The following COL4A2 variants were observed in gnomAD, a reference collection of about 807,000 sequenced individuals.
COL4A2 encodes the protein collagen alpha-2(IV) chain.
In COL4A2, 99 loss-of-function variants were observed where a neutral mutation model predicts 200.2. The ratio of observed to expected loss-of-function variants is 0.49; its 90% CI spans 0.42 to 0.58. COL4A2 has a LOEUF of 0.58. Ranked by LOEUF, COL4A2 falls within the 20% of genes least tolerant of loss-of-function variation. COL4A2 has a pLI of 0.00. For missense variants in COL4A2, 1,950 were observed against 2,314.1 expected, an observed-to-expected ratio of 0.84 and a Z score of 3.23; for synonymous variants, 897 against 900.6, an observed-to-expected ratio of 1.00 and a Z score of 0.07.
At chr13:110,330,396 C>T (rs752861262) in intron 3 of COL4A2, among the ~76,000 whole-genome samples, 5 of 150,740 alleles carry the variant, frequency 3.3e-5, no homozygotes, top group Admixed American at 6.6e-5. Flanking sequence ...CTGGGAGGCG[C>T]GGGGTGGAGG....
intron 21 of COL4A2, chr13:110,458,049 C>T: frequency 2.2e-6 from 1 of 449,184 alleles, no homozygotes; most frequent in Non-Finnish European, 4.6e-6. Context: ...TCCTGCTCAC[C>T]TCTCCCCTCC....
intron 43 of COL4A2, 139 bp from the exon 44 acceptor site, chr13:110,503,708 T>A (rs1186327784): frequency 9.6e-7 from 1 of 1,037,120 alleles, no homozygotes; most frequent in Non-Finnish European, 1.4e-6. Flanking sequence ...GGCCCGTTAG[T>A]GTCTGGCTCA....
At position 110,512,377 on chromosome 13, in the gene COL4A2, C is replaced by G. The variant is rs1884118672; in HGVS notation, c.*186C>G. 1 of 1,017,866 alleles carries G rather than the reference C, an allele frequency of 9.8e-7. No individual in the cohort carries two copies. The highest frequency in any genetic ancestry group is 1.4e-6 in the Non-Finnish European group (1 of 721,966). 63.1% of individuals were successfully genotyped at this position (1,017,866 alleles called of 1,614,324 possible). ...GAGCGGGTGCAAGCACTCGGGGTCC[C>G]TGGAGGGCAAGCCCTGCCCACAGAA... On this transcript the variant is annotated 3_prime_UTR_variant, in exon 48 of 48. Coordinates refer to ENST00000360467, the MANE Select transcript of COL4A2 (RefSeq NM_001846.4).
At chr13:110,336,462 C>T (rs1321370668) in intron 3 of COL4A2, among the ~76,000 whole-genome samples, 2 of 152,150 alleles carry the variant, frequency 1.3e-5, no homozygotes, top group Non-Finnish European at 2.9e-5. Context: ...ACAATAGCGG[C>T]CGCTGGAGGA....
intron 3 of COL4A2, among the ~76,000 whole-genome samples, chr13:110,342,470 C>T (rs1276172384): frequency 6.6e-6 from 1 of 152,164 alleles, no homozygotes; most frequent in East Asian, 1.9e-4. Flanking sequence ...AATACACCAG[C>T]ATCTTCCCCC....
chr13:110,412,639 C>T (rs967775158), intron 4 of COL4A2, among the ~76,000 whole-genome samples: 3 of 152,234 alleles, frequency 2.0e-5, no homozygotes, highest in African/African-American at 7.2e-5. Context: ...CCCTCCATAA[C>T]CTTTACGCCC....
intron 4 of COL4A2, among the ~76,000 whole-genome samples, chr13:110,393,573 C>T (rs977012997): frequency 6.6e-6 from 1 of 150,484 alleles, no homozygotes; most frequent in Non-Finnish European, 1.5e-5. Context: ...GAGAATCCCA[C>T]TATAAAGAGG....
chr13:110,501,158 A>G (rs1883624862), intron 40 of COL4A2, among the ~76,000 whole-genome samples: 1 of 152,216 alleles, frequency 6.6e-6, no homozygotes, highest in African/African-American at 2.4e-5. Flanking sequence ...GAAACACAGA[A>G]TCTGTGAATA....
intron 3 of COL4A2, among the ~76,000 whole-genome samples, chr13:110,321,767 G>A (rs558763047): frequency 1.2e-4 from 18 of 152,294 alleles, no homozygotes; most frequent in African/African-American, 3.9e-4. Flanking sequence ...AGCAAGTCAC[G>A]TCTTACATGG....
At position 110,370,613 on chromosome 13, in the gene COL4A2, T is replaced by A. The variant is rs114811904; in HGVS notation, c.180+13061T>A. 7.7e-3 allele frequency among the ~76,000 whole-genome samples: 1,167 copies of A among 152,334 alleles called. 6 individuals are homozygous for A. The highest frequency in any genetic ancestry group is 9.8e-3 in the Non-Finnish European group (665 of 68,032). ...TTTTTCTGCTTCTTCACTCTTGGAT[T>A]TCCACTTGTGCAGTTAATTTTTGAA... On this transcript the variant is annotated intron_variant, in intron 4 of 47. Transcript: ENST00000360467.
At chr13:110,500,297 C>T (rs9521811) in intron 40 of COL4A2, among the ~76,000 whole-genome samples, 133,284 of 152,002 alleles carry the variant, frequency 0.88, 59,151 homozygotes, top group Middle Eastern at 0.97. Context: ...AAGTGATGCC[C>T]TCCTTGCCCA....
chr13:110,504,355 C>A, intron 45 of COL4A2, 91 bp downstream of exon 45: 1 of 1,079,278 alleles, frequency 9.3e-7, no homozygotes. Context: ...CACACGAGAG[C>A]CCAGAAAAGC....
intron 3 of COL4A2, among the ~76,000 whole-genome samples, chr13:110,325,503 A>C (rs548139618): frequency 6.6e-6 from 1 of 152,342 alleles, no homozygotes; most frequent in South Asian, 2.1e-4. Context: ...AAGTAACCAG[A>C]TAGATCATAG....
rs762890174 is a variant in COL4A2, at chr13:110,446,541, G to A, written c.1012-257G>A. ...CAGAAAGCACAGTCTCCTGGCATTC[G>A]ACAAGGATTTCAAAATGAGATGAGC... On this transcript the variant is annotated intron_variant, in intron 17 of 47. Transcript: ENST00000360467. Among the ~76,000 whole-genome samples, 9 of 152,212 alleles carry A rather than the reference G, an allele frequency of 5.9e-5. No individual in the cohort carries two copies. The East Asian group carries it at 1.2e-3, about 20-fold the overall frequency.
intron 3 of COL4A2, among the ~76,000 whole-genome samples, chr13:110,338,918 A>G (rs1364989098): frequency 6.6e-6 from 1 of 152,212 alleles, no homozygotes; most frequent in Non-Finnish European, 1.5e-5. Context: ...AAGTATCTGC[A>G]GGACAATGTT....
chr13:110,497,257 G>A (rs1482799310), intron 40 of COL4A2, among the ~76,000 whole-genome samples: 1 of 151,226 alleles, frequency 6.6e-6, no homozygotes, highest in Non-Finnish European at 1.5e-5. Context: ...CAATCCACCA[G>A]CACAGCCTCA....
chr13:110,416,812 G>A (rs1338973957), intron 4 of COL4A2, among the ~76,000 whole-genome samples: 1 of 152,108 alleles, frequency 6.6e-6, no homozygotes, highest in Non-Finnish European at 1.5e-5. Flanking sequence ...CCCAGACTTC[G>A]CCTTCACTCC....
intron 20 of COL4A2, among the ~76,000 whole-genome samples, chr13:110,451,056 G>A (rs924947074): frequency 6.6e-6 from 1 of 152,222 alleles, no homozygotes; most frequent in Non-Finnish European, 1.5e-5. Flanking sequence ...AATAAAGCCG[G>A]CAGGCACAGG....
At chr13:110,505,799 G>T (rs1031479722) in intron 45 of COL4A2, among the ~76,000 whole-genome samples, 3 of 152,272 alleles carry the variant, frequency 2.0e-5, no homozygotes, top group South Asian at 2.1e-4. Flanking sequence ...CCAGCGGAGG[G>T]AGGCCACTGC....
Sources: gnomAD v4.1 joint callset for allele counts (sites outside exome capture counted in the v4.1 genomes callset) on GRCh38, gnomAD v4.1.1 for gene constraint, MANE v1.5 for transcripts, NCBI Gene and HGNC (gene_info 2026-07-23, HGNC 2026-07-21) for gene names.